KATNAL1: variants seen among roughly 807,000 people sequenced by gnomAD.
The protein encoded by KATNAL1 is katanin p60 ATPase-containing subunit A-like 1.
KATNAL1 carries 32 observed loss-of-function variants against 55.2 expected under a neutral mutation model. That is an observed-to-expected ratio of 0.58 (90% CI 0.44 to 0.78). KATNAL1 has a LOEUF of 0.78. KATNAL1 is among the 30% of genes least tolerant of loss of function. The pLI, the probability that KATNAL1 is intolerant of heterozygous loss-of-function variation, is 0.00. For missense variants in KATNAL1, 466 were observed against 600.9 expected (o/e 0.78, Z 2.35); for synonymous variants, 193 against 193.6 (o/e 1.00, Z 0.02).
chr13:30,277,010 T>C (rs924106727), intron 3 of KATNAL1, among the ~76,000 whole-genome samples: 1 of 152,188 alleles, frequency 6.6e-6, no homozygotes, highest in Non-Finnish European at 1.5e-5. Flanking sequence ...AAATAATGCA[T>C]ATAACACATA....
intron 1 of KATNAL1, among the ~76,000 whole-genome samples, chr13:30,284,049 T>C (rs1033537249): frequency 2.6e-5 from 4 of 151,944 alleles, no homozygotes; most frequent in Non-Finnish European, 5.9e-5. Context: ...TTAGTAGAGA[T>C]GGGTTTCACT....
chr13:30,258,765 T>C (rs1028690496), intron 3 of KATNAL1, among the ~76,000 whole-genome samples: 91 of 152,254 alleles, frequency 6.0e-4, no homozygotes, highest in African/African-American at 1.9e-3. Context: ...ATCTCGATTT[T>C]TTTTCACCCA....
intron 4 of KATNAL1, among the ~76,000 whole-genome samples, 199 bp from the exon 5 acceptor site, chr13:30,241,285 C>T (rs946297309): frequency 1.4e-4 from 22 of 152,302 alleles, no homozygotes; most frequent in African/African-American, 5.1e-4. Flanking sequence ...TTATTAAAAA[C>T]TTCAAATCTA....
rs376327381 is a variant in KATNAL1 at position 30,279,824 on chromosome 13, G to A, written c.323+239C>T. On this transcript the variant is annotated intron_variant, in intron 3 of 10. Transcript: ENST00000380615. Reference sequence around the variant, plus strand: ...TCTTAACTGATAAATTTTAGGACTAGCAATAGGCATCTATTGTTATTAGCG... The same window carrying A: ...TCTTAACTGATAAATTTTAGGACTAACAATAGGCATCTATTGTTATTAGCG... 4.6e-5 allele frequency among the ~76,000 whole-genome samples: 7 copies of A among 152,254 alleles called. No homozygotes were observed. In the South Asian group the frequency reaches 1.0e-3, roughly 23 times the overall value.
chr13:30,270,909 A>G (rs955570567), intron 3 of KATNAL1, among the ~76,000 whole-genome samples: 1 of 151,852 alleles, frequency 6.6e-6, no homozygotes, highest in African/African-American at 2.4e-5. Flanking sequence ...AATGATCAAT[A>G]AACAAAAAAT....
Position 30,205,734 on chromosome 13 carries a change from T to C in KATNAL1, c.*2806A>G, listed in dbSNP as rs567669260. ...CTCATTCTGGTAAGGCAACACACTG[T>C]CTTCTGCAATAAAGACTGTGTGTGT... On this transcript the variant is annotated 3_prime_UTR_variant, in exon 11 of 11. Transcript: ENST00000380615. 257 of 150,140 alleles carry C rather than the reference T, an allele frequency of 1.7e-3. No individual in the cohort carries two copies. Among genetic ancestry groups the C allele is most frequent in the African/African-American group, 6.4e-3 (251 of 39,068 alleles). 9.3% of individuals were successfully genotyped at this position (150,140 alleles called of 1,614,324 possible).
intron 3 of KATNAL1, among the ~76,000 whole-genome samples, chr13:30,259,654 G>A (rs1471793612): frequency 1.3e-5 from 2 of 152,194 alleles, no homozygotes; most frequent in South Asian, 2.1e-4. Flanking sequence ...TGAATGCTGC[G>A]CTTTTCTGAC....
Position 30,207,099 on chromosome 13 carries a change from TTTTTAG to T in KATNAL1, c.*1435_*1440del, listed in dbSNP as rs1873224359. On this transcript the variant is annotated 3_prime_UTR_variant, in exon 11 of 11. Coordinates refer to ENST00000380615, the MANE Select transcript of KATNAL1 (RefSeq NM_032116.5). ...GTTAAATGTCCAAAAAGCTGTATTA[TTTTTAG>T]TTTTAAACCAGTAGGCACTATTCGA... 2.0e-5 allele frequency: 3 copies of T among 152,342 alleles called. No homozygotes were observed. In the South Asian group the frequency reaches 6.2e-4, roughly 32 times the overall value. The allele number at this position is 152,342 out of a possible 1,614,324, so 9.4% of individuals were successfully genotyped here.
At chr13:30,255,764 T>C (rs2137463484) in intron 3 of KATNAL1, 149 bp from the exon 4 acceptor site, 1 of 657,936 alleles carries the variant, frequency 1.5e-6, no homozygotes, top group Non-Finnish European at 2.1e-6. Context: ...TGGCCACAAC[T>C]ATTAGGTTAG....
At chr13:30,258,942 T>C (rs1261062355) in intron 3 of KATNAL1, among the ~76,000 whole-genome samples, 3 of 152,340 alleles carry the variant, frequency 2.0e-5, no homozygotes, top group East Asian at 3.9e-4. Flanking sequence ...TGCTATCAGA[T>C]TATAAACAAG....
chr13:30,236,766 G>A (rs1388359577), intron 6 of KATNAL1, among the ~76,000 whole-genome samples: 2 of 152,254 alleles, frequency 1.3e-5, no homozygotes, highest in East Asian at 1.9e-4. Context: ...CATTCCAGCA[G>A]TGTCTTTTGT....
intron 3 of KATNAL1, among the ~76,000 whole-genome samples, chr13:30,272,019 C>A (rs1325623925): frequency 1.3e-5 from 2 of 151,792 alleles, no homozygotes; most frequent in African/African-American, 4.8e-5. Context: ...GAGGCATTTT[C>A]ATTATTAAGT....
chr13:30,306,638 T>A (rs1391949355), intron 1 of KATNAL1: 1 of 152,362 alleles, frequency 6.6e-6, no homozygotes, highest in East Asian at 1.9e-4. Context: ...GGGTTTAATA[T>A]GCAAACACCT....
intron 9 of KATNAL1, among the ~76,000 whole-genome samples, chr13:30,219,449 G>A (rs555138786): frequency 3.3e-5 from 5 of 152,304 alleles, no homozygotes; most frequent in South Asian, 2.1e-4. Context: ...CTCCCTGTCC[G>A]TTCCAAAAAT....
At chr13:30,305,294 C>T (rs530455246) in intron 1 of KATNAL1, among the ~76,000 whole-genome samples, 9 of 152,356 alleles carry the variant, frequency 5.9e-5, no homozygotes, top group African/African-American at 2.2e-4. Context: ...CCTAGCGTTT[C>T]CCAAATACAA....
chr13:30,223,266 C>CT (rs1330026098), intron 9 of KATNAL1, among the ~76,000 whole-genome samples: 5 of 150,696 alleles, frequency 3.3e-5, no homozygotes, highest in Admixed American at 3.3e-4. Flanking sequence ...GGTGAAACTC[C>CT]GTCTCTACTA....
chr13:30,261,580 A>G (rs1167497657), intron 3 of KATNAL1, among the ~76,000 whole-genome samples: 1 of 152,180 alleles, frequency 6.6e-6, no homozygotes, highest in African/African-American at 2.4e-5. Context: ...GTCTCTGATA[A>G]AACAGACTTT....
chr13:30,296,609 G>A (rs1882514667), intron 1 of KATNAL1: 3 of 717,564 alleles, frequency 4.2e-6, no homozygotes, highest in Non-Finnish European at 2.6e-6. Flanking sequence ...AGGCTCTGCA[G>A]CTGGTCCAGA....
intron 3 of KATNAL1, among the ~76,000 whole-genome samples, chr13:30,268,858 C>T (rs1024897316): frequency 6.6e-6 from 1 of 152,128 alleles, no homozygotes; most frequent in Non-Finnish European, 1.5e-5. Context: ...CTCATTCTTT[C>T]AACAAATACT....
Sources: allele counts gnomAD v4.1 joint callset (sites outside exome capture counted in the v4.1 genomes callset), GRCh38; gene constraint gnomAD v4.1.1; transcripts MANE v1.5; gene names NCBI Gene and HGNC (gene_info 2026-07-23, HGNC 2026-07-21).